VWA3A: variants seen among roughly 807,000 people sequenced by gnomAD.
VWA3A encodes the protein von Willebrand factor A domain-containing protein 3A.
Under a neutral mutation model 160.4 loss-of-function variants are expected in VWA3A, and 134 were observed. The ratio of observed to expected loss-of-function variants is 0.84; its 90% CI spans 0.73 to 0.96. The LOEUF (loss-of-function observed/expected upper bound fraction) is 0.96, where lower values mean the gene tolerates loss of function less well. VWA3A is among the 40% of genes least tolerant of loss of function. The pLI is 0.00. For missense variants in VWA3A, 1,310 were observed against 1,447.9 expected (o/e 0.90, Z 1.55); for synonymous variants, 476 against 543.4 (o/e 0.88, Z 1.72).
chr16:22,098,177 T>A (rs1598042397), intron 3 of VWA3A, among the ~76,000 whole-genome samples: 1 of 152,212 alleles, frequency 6.6e-6, no homozygotes, highest in Admixed American at 6.5e-5. Flanking sequence ...GAATTCATTC[T>A]ACCAGGGACA....
At chr16:22,098,077 G>A (rs942420353) in intron 3 of VWA3A, among the ~76,000 whole-genome samples, 2 of 152,194 alleles carry the variant, frequency 1.3e-5, no homozygotes, top group African/African-American at 4.8e-5. Flanking sequence ...AATGGGGTAT[G>A]ATAGGAGAAT....
chr16:22,149,117 G>A (rs189184458), intron 28 of VWA3A, among the ~76,000 whole-genome samples: 12 of 152,248 alleles, frequency 7.9e-5, no homozygotes, highest in East Asian at 1.9e-4. Context: ...CAATGAGCCC[G>A]TGAGGTGTTG....
chr16:22,146,408 G>A, intron 27 of VWA3A, 64 bp downstream of exon 27: 1 of 1,420,174 alleles, frequency 7.0e-7, no homozygotes, highest in Non-Finnish European at 9.7e-7. Context: ...CTAGCCCCAG[G>A]GACCCCAGTG....
Position 22,100,413 on chromosome 16 carries a change from C to A in VWA3A, c.351-3C>A, listed in dbSNP as rs1396997338. 1 of 1,551,684 alleles carries A rather than the reference C, an allele frequency of 6.4e-7. No homozygotes were observed. Among genetic ancestry groups the A allele is most frequent in the Admixed American group, 2.0e-5 (1 of 50,998 alleles). On this transcript the variant is annotated splice_polypyrimidine_tract_variant and splice_region_variant and intron_variant, in intron 4 of 33. Coordinates refer to ENST00000389398, the MANE Select transcript of VWA3A (RefSeq NM_173615.5). ...ATCCCCTCATAAGGCTTTGCTTCTTCAGGGAGGAGGGCACCAATGTCGTGC... is the reference window on the plus strand; with the variant it reads ...ATCCCCTCATAAGGCTTTGCTTCTTAAGGGAGGAGGGCACCAATGTCGTGC...
chr16:22,112,022 C>T (rs1224622507), intron 8 of VWA3A, among the ~76,000 whole-genome samples: 1 of 152,220 alleles, frequency 6.6e-6, no homozygotes, highest in Non-Finnish European at 1.5e-5. Context: ...TAACACTGCT[C>T]TGTACCTTGG....
chr16:22,132,606 G>A (rs2045967825), intron 19 of VWA3A, among the ~76,000 whole-genome samples: 1 of 152,116 alleles, frequency 6.6e-6, no homozygotes, highest in South Asian at 2.1e-4. Context: ...GGTTCAGTAG[G>A]TCTGGGGTGG....
intron 12 of VWA3A, among the ~76,000 whole-genome samples, chr16:22,119,843 C>T (rs2045703636): frequency 6.6e-6 from 1 of 151,852 alleles, no homozygotes; most frequent in African/African-American, 2.4e-5. Flanking sequence ...CATGGTGAAA[C>T]CTCGTCTCTA....
At chr16:22,128,075 C>T (rs2045882927) in intron 17 of VWA3A, among the ~76,000 whole-genome samples, 1 of 152,062 alleles carries the variant, frequency 6.6e-6, no homozygotes, top group South Asian at 2.1e-4. Context: ...TATGCTAGAA[C>T]CTTAGGGACC....
At chr16:22,112,448 G>T (rs2045566571) in intron 8 of VWA3A, among the ~76,000 whole-genome samples, 1 of 152,230 alleles carries the variant, frequency 6.6e-6, no homozygotes, top group South Asian at 2.1e-4. Flanking sequence ...GCCAGGGCCA[G>T]TTGCTCATGC....
Position 22,123,689 on chromosome 16 carries a change from GCA to G in VWA3A, c.1517_1518del (p.Thr506SerfsTer3), listed in dbSNP as rs756303965. 1.2e-6 allele frequency: 2 copies of G among 1,613,870 alleles called. No homozygotes were observed. Among genetic ancestry groups the G allele is most frequent in the South Asian group, 1.1e-5 (1 of 91,076 alleles). ...TCCCTGGCCAGCAGAAGAATCTGGG[GCA>G]CAGTCTGTGAAAAAAGGTACCTTTC... On this transcript the variant is annotated frameshift_variant, in exon 16 of 34. Transcript: ENST00000389398. LOFTEE classifies it high-confidence loss of function.
chr16:22,131,204 G>C lies in VWA3A; in HGVS notation c.1653-1G>C. On this transcript the variant is annotated splice_acceptor_variant, in intron 17 of 33. Transcript: ENST00000389398. LOFTEE classifies it high-confidence loss of function. ...GAACGAACTCTCTTTGCTTCTTAAA[G>C]GTTTGGAAGCACAATTGAAAGCTGG... 1 of 1,613,788 alleles carries C rather than the reference G, an allele frequency of 6.2e-7. No homozygotes were observed. The highest frequency in any genetic ancestry group is 8.5e-7 in the Non-Finnish European group (1 of 1,179,836).
intron 17 of VWA3A, among the ~76,000 whole-genome samples, chr16:22,128,349 G>T (rs1424408732): frequency 6.6e-6 from 1 of 152,220 alleles, no homozygotes; most frequent in East Asian, 1.9e-4. Flanking sequence ...CTGCCCTAGT[G>T]TTGAGTGGGC....
At chr16:22,132,619 C>A (rs2045968055) in intron 19 of VWA3A, among the ~76,000 whole-genome samples, 1 of 152,070 alleles carries the variant, frequency 6.6e-6, no homozygotes, top group Non-Finnish European at 1.5e-5. Flanking sequence ...TGGGGTGGAG[C>A]CTGGGAGTCT....
Position 22,116,866 on chromosome 16 carries a change from CT to C in VWA3A, c.924del (p.Ala309LeufsTer3). The C allele has an allele frequency of 6.2e-7, 1 of 1,611,798 alleles. No individual in the cohort carries two copies. The highest frequency in any genetic ancestry group is 8.5e-7 in the Non-Finnish European group (1 of 1,178,990). ...TACAGATGCGATGATCAGATGCCCC[CT>C]GTGAGTGCCCGAGATTCTCTGAGGT... ...ITYRCDDQMP[P>X]AVLKNLAEAV... is the part of the protein sequence containing the mutation. On this transcript the variant is annotated frameshift_variant and splice_region_variant, in exon 10 of 34. Coordinates refer to ENST00000389398, the MANE Select transcript of VWA3A (RefSeq NM_173615.5). LOFTEE classifies it high-confidence loss of function.
rs772288174 is a variant in VWA3A at position 22,148,245 on chromosome 16, C to G, written c.2923C>G (p.Gln975Glu). The G allele has an allele frequency of 6.3e-7, 1 of 1,598,958 alleles. No individual in the cohort carries two copies. Among genetic ancestry groups the G allele is most frequent in the South Asian group, 1.1e-5 (1 of 87,970 alleles). ...DTSGSMGPYL[Q>E]QVKTELVLLI... The stretch of plus-strand genomic sequence containing the variant: ...GTCAGGGTCCATGGGCCCCTACCTG[C>G]AGCAGGTGAAGACAGAGCTGGTTTT... Residue 975 changes from glutamine (Q) to glutamate (E), a missense_variant, in exon 28 of 34, where the codon CAG becomes GAG. Coordinates refer to ENST00000389398, the MANE Select transcript of VWA3A (RefSeq NM_173615.5).
chr16:22,122,802 CTCGGGAA>C (rs1295729891), intron 14 of VWA3A, among the ~76,000 whole-genome samples: 1 of 152,156 alleles, frequency 6.6e-6, no homozygotes, highest in Non-Finnish European at 1.5e-5. Flanking sequence ...AGAAAAGCCT[CTCGGGAA>C]AACAGCCTGA....
chr16:22,096,761 T>C (rs1489738345), intron 1 of VWA3A, 98 bp from the exon 2 acceptor site: 1 of 816,084 alleles, frequency 1.2e-6, no homozygotes, highest in Non-Finnish European at 2.0e-6. Context: ...AAATTAAACA[T>C]GTAGAAAAAG....
Position 22,141,599 on chromosome 16 carries a change from A to C in VWA3A, c.2401A>C (p.Lys801Gln). Residue 801 changes from lysine to glutamine, a missense_variant, in exon 24 of 34, where the codon AAA (lysine) becomes CAA (glutamine). Lys to Gln is a moderately conservative substitution (Grantham distance 53). Coordinates refer to ENST00000389398, the MANE Select transcript of VWA3A (RefSeq NM_173615.5). ...GISPAAAQPTKEGMMELRRKT... is the reference protein window; with the variant it reads ...GISPAAAQPTQEGMMELRRKT... ...TTCCTCAGCTGCGGCCCAGCCAACG[A>C]AAGAAGGGATGATGGAACTGAGGAG... 2 of 1,611,778 alleles carry C rather than the reference A, an allele frequency of 1.2e-6. No individual in the cohort carries two copies. The highest frequency in any genetic ancestry group is 1.7e-6 in the Non-Finnish European group (2 of 1,178,980).
At position 22,104,875 on chromosome 16, in the gene VWA3A, A is replaced by G. The variant is rs558649020; in HGVS notation, c.483+1346A>G. Among the ~76,000 whole-genome samples the G allele has an allele frequency of 1.3e-4, 20 of 152,138 alleles. No individual in the cohort carries two copies. In the East Asian group the frequency reaches 3.9e-3, roughly 29 times the overall value. ...AGCTCTTGCCTTAAACCCTGGGAAAAGCAGATGCTAAAAGTCATGCTCCCT... is the reference window on the plus strand; with the variant it reads ...AGCTCTTGCCTTAAACCCTGGGAAAGGCAGATGCTAAAAGTCATGCTCCCT... On this transcript the variant is annotated intron_variant, in intron 6 of 33. Coordinates refer to ENST00000389398, the MANE Select transcript of VWA3A (RefSeq NM_173615.5).
Sources: allele counts gnomAD v4.1 joint callset (sites outside exome capture counted in the v4.1 genomes callset), GRCh38; gene constraint gnomAD v4.1.1; transcripts MANE v1.5; gene names NCBI Gene and HGNC (gene_info 2026-07-23, HGNC 2026-07-21).